Variants in TRMT11 observed in about 807,000 individuals in gnomAD.
TRMT11 encodes the protein tRNA (guanine(10)-N(2))-methyltransferase TRMT11.
A neutral mutation model predicts 62.8 loss-of-function variants in TRMT11; 53 were observed. The ratio of observed to expected loss-of-function variants is 0.84; its 90% CI spans 0.68 to 1.06. TRMT11 has a LOEUF of 1.06. Among genes scored for constraint, TRMT11 ranks in the 50% least tolerant of loss-of-function variants. TRMT11 has a pLI of 0.00. For synonymous variants in TRMT11, 188 were observed against 190.3 expected (o/e 0.99, Z 0.10); for missense variants, 556 against 553.4 (o/e 1.00, Z -0.05).
intron 17 of TRMT11, among the ~76,000 whole-genome samples, chr6:126,104,271 G>A (rs369438885): frequency 1.8e-4 from 27 of 152,142 alleles, no homozygotes; most frequent in Admixed American, 9.8e-4. Flanking sequence ...TACTCTTGCC[G>A]GAGCTGAGAT....
chr6:126,151,805 C>CTTTTCT (rs1778044882), intron 21 of TRMT11, among the ~76,000 whole-genome samples: 1 of 54,574 alleles, frequency 1.8e-5, no homozygotes, highest in East Asian at 5.9e-4. Flanking sequence ...TCCTCTCTGT[C>CTTTTCT]TTTTCTTTCT....
intron 1 of TRMT11, among the ~76,000 whole-genome samples, chr6:125,987,401 T>A (rs1789834613): frequency 6.6e-6 from 1 of 152,136 alleles, no homozygotes; most frequent in Non-Finnish European, 1.5e-5. Flanking sequence ...ACTGGATCAC[T>A]AGTTATGTGG....
intron 21 of TRMT11, among the ~76,000 whole-genome samples, chr6:126,167,921 G>A (rs1300585475): frequency 6.6e-6 from 1 of 152,204 alleles, no homozygotes; most frequent in East Asian, 1.9e-4. Flanking sequence ...CTGGGAGAAT[G>A]TAAACATTTT....
At chr6:126,182,648 C>T (rs1040283304) in intron 1 of TRMT11, among the ~76,000 whole-genome samples, 1 of 152,048 alleles carries the variant, frequency 6.6e-6, no homozygotes, top group Non-Finnish European at 1.5e-5. Context: ...ACACCTTGTA[C>T]AATACTATAC....
At chr6:126,217,286 C>T in the TRMT11 span, among the ~76,000 whole-genome samples, 1 of 152,204 alleles carries the variant, frequency 6.6e-6, no homozygotes, top group Non-Finnish European at 1.5e-5. Context: ...GATCTTGATG[C>T]TTATGTAAAT....
intron 21 of TRMT11, among the ~76,000 whole-genome samples, chr6:126,145,455 G>A (rs563277154): frequency 9.9e-5 from 15 of 152,220 alleles, no homozygotes; most frequent in Middle Eastern, 3.4e-3. Context: ...AAGGAGAGGG[G>A]GCTATGGGAT....
chr6:126,238,531 T>G, the TRMT11 span, among the ~76,000 whole-genome samples: 1 of 152,162 alleles, frequency 6.6e-6, no homozygotes, highest in African/African-American at 2.4e-5. Context: ...TTGAGTGAGT[T>G]TCTTAATCCT....
intron 21 of TRMT11, among the ~76,000 whole-genome samples, chr6:126,159,039 C>T (rs1419229276): frequency 6.6e-6 from 1 of 152,114 alleles, no homozygotes; most frequent in African/African-American, 2.4e-5. Context: ...GGTGACATTT[C>T]CCACTGATGC....
chr6:126,058,328 G>A (rs181054800), intron 17 of TRMT11, among the ~76,000 whole-genome samples: 368 of 152,228 alleles, frequency 2.4e-3, no homozygotes, highest in African/African-American at 8.1e-3. Flanking sequence ...GTGTATATGC[G>A]CCATATTTTC....
chr6:126,063,913 G>C (rs768783580), intron 17 of TRMT11, among the ~76,000 whole-genome samples: 7 of 152,188 alleles, frequency 4.6e-5, no homozygotes, highest in Non-Finnish European at 1.0e-4. Flanking sequence ...CAAGAGTGAG[G>C]CATGGGATGT....
intron 21 of TRMT11, among the ~76,000 whole-genome samples, chr6:126,132,341 A>G (rs983703186): frequency 3.9e-5 from 6 of 152,000 alleles, no homozygotes; most frequent in African/African-American, 1.4e-4. Context: ...GCTCTTAGTC[A>G]CCTGCATCTA....
chr6:126,119,283 G>T (rs1302080501), intron 21 of TRMT11, among the ~76,000 whole-genome samples: 1 of 152,054 alleles, frequency 6.6e-6, no homozygotes, highest in African/African-American at 2.4e-5. Flanking sequence ...TGCCTATGTG[G>T]TGTGATTTGA....
intron 17 of TRMT11, among the ~76,000 whole-genome samples, chr6:126,065,563 A>G (rs1325631192): frequency 6.6e-6 from 1 of 152,204 alleles, no homozygotes. Flanking sequence ...TTCATTAATT[A>G]TTATGATCTT....
the TRMT11 span, among the ~76,000 whole-genome samples, chr6:126,232,595 A>C: frequency 3.7e-4 from 57 of 152,284 alleles, no homozygotes; most frequent in Admixed American, 3.1e-3. Flanking sequence ...TAGGGCAGGA[A>C]AGTGCTCAGG....
chr6:126,009,136 G>T (rs1057028439), intron 8 of TRMT11, among the ~76,000 whole-genome samples: 5 of 151,942 alleles, frequency 3.3e-5, no homozygotes, highest in Admixed American at 2.0e-4. Flanking sequence ...ATTTGGTTAA[G>T]ATTATCACCA....
intron 12 of TRMT11, among the ~76,000 whole-genome samples, chr6:126,036,857 T>C (rs970760191): frequency 3.3e-5 from 5 of 152,108 alleles, no homozygotes; most frequent in Non-Finnish European, 7.4e-5. Flanking sequence ...GCCGTTATCC[T>C]GGCACAGTCC....
chr6:126,210,277 C>A, the TRMT11 span, among the ~76,000 whole-genome samples: 1 of 152,112 alleles, frequency 6.6e-6, no homozygotes, highest in Non-Finnish European at 1.5e-5. Flanking sequence ...AGAAGTAAAT[C>A]GCTATGTTCT....
At chr6:126,213,796 T>A in the TRMT11 span, among the ~76,000 whole-genome samples, 3 of 152,064 alleles carry the variant, frequency 2.0e-5, no homozygotes, top group African/African-American at 7.2e-5. Flanking sequence ...TGAGAAACAG[T>A]AGTGACAGTG....
At chr6:126,125,632 A>T (rs751322342) in intron 21 of TRMT11, among the ~76,000 whole-genome samples, 1 of 152,076 alleles carries the variant, frequency 6.6e-6, no homozygotes, top group Non-Finnish European at 1.5e-5. Context: ...TCCTTAAGGA[A>T]CTTATGATAT....
Sources: gnomAD v4.1 joint callset for allele counts (sites outside exome capture counted in the v4.1 genomes callset) on GRCh38, gnomAD v4.1.1 for gene constraint, MANE v1.5 for transcripts, NCBI Gene and HGNC (gene_info 2026-07-23, HGNC 2026-07-21) for gene names.